The following ZNF532 variants were observed in gnomAD, a reference collection of about 807,000 sequenced individuals.
The protein encoded by ZNF532 is zinc finger protein 532.
ZNF532 carries 22 observed loss-of-function variants against 89.3 expected under a neutral mutation model. That is an observed-to-expected ratio of 0.25 (90% confidence interval 0.18 to 0.35). ZNF532 has a LOEUF of 0.35. ZNF532 is among the 10% of genes least tolerant of loss of function. The pLI is 1.00. For missense variants in ZNF532, 1,132 were observed against 1,643.4 expected (o/e 0.69, Z 5.38); for synonymous variants, 606 against 649.6 (o/e 0.93, Z 1.02).
At chr18:58,982,291 C>A (rs1028939841) in intron 9 of ZNF532, among the ~76,000 whole-genome samples, 4 of 151,752 alleles carry the variant, frequency 2.6e-5, no homozygotes, top group African/African-American at 7.3e-5. Flanking sequence ...GGGACAAGAG[C>A]AGGACTTTTT....
intron 7 of ZNF532, among the ~76,000 whole-genome samples, chr18:58,963,229 G>A (rs2065540256): frequency 1.3e-5 from 2 of 152,148 alleles, no homozygotes; most frequent in African/African-American, 2.4e-5. Flanking sequence ...ATTTTAGGAT[G>A]TCTTAATGTT....
In ZNF532 at chr18:58,985,387, A is replaced by G. The variant is rs2068290978; in HGVS notation, c.*921A>G. ...AGAAACACAGCTAAGAATATCAAGTATTTCTCTGGCTCTTGACAGAAAAAA... is the reference window on the plus strand; with the variant it reads ...AGAAACACAGCTAAGAATATCAAGTGTTTCTCTGGCTCTTGACAGAAAAAA... On this transcript the variant is annotated 3_prime_UTR_variant, in exon 10 of 10. Coordinates refer to ENST00000591808, the MANE Select transcript of ZNF532 (RefSeq NM_001375912.1). 6.6e-6 allele frequency: 1 copy of G among 152,640 alleles called. No individual in the cohort carries two copies. Among genetic ancestry groups the G allele is most frequent in the Non-Finnish European group, 1.5e-5 (1 of 68,042 alleles). The allele number at this position is 152,640 out of a possible 1,614,324, so 9.5% of individuals were successfully genotyped here.
At chr18:58,972,600 T>C (rs913226389) in intron 7 of ZNF532, among the ~76,000 whole-genome samples, 4 of 151,208 alleles carry the variant, frequency 2.6e-5, no homozygotes, top group Admixed American at 2.6e-4. Flanking sequence ...TTAATAAGCA[T>C]CACACCTGTC....
At chr18:58,934,194 G>A in intron 3 of ZNF532, 3 of 415,878 alleles carry the variant, frequency 7.2e-6, no homozygotes, top group African/African-American at 3.9e-5. Flanking sequence ...TGAAACAGGT[G>A]TTTTTAGCTC....
chr18:58,913,657 G>C (rs950817286), intron 2 of ZNF532, among the ~76,000 whole-genome samples: 1 of 152,012 alleles, frequency 6.6e-6, no homozygotes, highest in African/African-American at 2.4e-5. Context: ...GAATAAAAAA[G>C]ATACAATGAA....
chr18:58,981,578 C>T lies in ZNF532; in HGVS notation c.3372C>T (p.Ala1124=). The T allele has an allele frequency of 1.9e-6, 3 of 1,614,162 alleles. No homozygotes were observed. Among genetic ancestry groups the T allele is most frequent in the Non-Finnish European group, 2.5e-6 (3 of 1,180,006 alleles). Residue 1124 remains alanine, a synonymous_variant, in exon 9 of 10, where the codon GCC becomes GCT. Transcript: ENST00000591808. ...KDPDLKEMTD[A]TNEEETEIKE... ...CTGACCTGAAAGAAATGACAGATGC[C>T]ACCAATGAGGAGGAAACAGAAATAA... is the stretch of plus-strand genomic sequence containing the variant.
At chr18:58,894,758 C>T (rs533264035) in intron 2 of ZNF532, among the ~76,000 whole-genome samples, 1 of 152,270 alleles carries the variant, frequency 6.6e-6, no homozygotes, top group African/African-American at 2.4e-5. Flanking sequence ...ACAAACTACC[C>T]TGTCAATTTT....
chr18:58,952,957 ATG>A (rs2147031921), intron 6 of ZNF532, among the ~76,000 whole-genome samples: 1 of 152,314 alleles, frequency 6.6e-6, no homozygotes, highest in African/African-American at 2.4e-5. Flanking sequence ...TCGGGATAGG[ATG>A]TAAGGAGATG....
chr18:58,959,963 G>C (rs1038377794), intron 7 of ZNF532, among the ~76,000 whole-genome samples: 15 of 151,896 alleles, frequency 9.9e-5, no homozygotes, highest in African/African-American at 3.6e-4. Context: ...TTTTGAGATA[G>C]GGTCTCACTC....
At chr18:58,905,513 C>G (rs1485655860) in intron 2 of ZNF532, among the ~76,000 whole-genome samples, 2 of 151,896 alleles carry the variant, frequency 1.3e-5, no homozygotes, top group African/African-American at 2.4e-5. Context: ...TATCCTTCCA[C>G]TCCAGCATCT....
chr18:58,892,011 A>C (rs1568256735), intron 2 of ZNF532, among the ~76,000 whole-genome samples: 1 of 152,252 alleles, frequency 6.6e-6, no homozygotes, highest in Non-Finnish European at 1.5e-5. Context: ...TGTGAAATCA[A>C]GAATATATAG....
chr18:58,956,452 G>A (rs2064789332), intron 7 of ZNF532, among the ~76,000 whole-genome samples: 1 of 152,188 alleles, frequency 6.6e-6, no homozygotes, highest in Admixed American at 6.5e-5. Flanking sequence ...GAATGGTGTT[G>A]AGTGTGAGAG....
chr18:58,901,539 A>G (rs906272066), intron 2 of ZNF532, among the ~76,000 whole-genome samples: 3 of 152,204 alleles, frequency 2.0e-5, no homozygotes, highest in African/African-American at 4.8e-5. Context: ...ATATTTTACT[A>G]TGATGCATTT....
intron 5 of ZNF532, among the ~76,000 whole-genome samples, chr18:58,944,764 TG>T (rs1294683570): frequency 6.6e-6 from 1 of 152,166 alleles, no homozygotes; most frequent in Non-Finnish European, 1.5e-5. Context: ...AGCTGCAGTT[TG>T]TAATGGATTT....
chr18:58,960,714 T>G (rs963823772), intron 7 of ZNF532, among the ~76,000 whole-genome samples: 21 of 152,110 alleles, frequency 1.4e-4, no homozygotes, highest in Admixed American at 5.2e-4. Context: ...TTCTGTACAG[T>G]GTAGTGCAGG....
chr18:58,951,916 T>C (rs975134466), intron 6 of ZNF532, among the ~76,000 whole-genome samples: 1 of 152,132 alleles, frequency 6.6e-6, no homozygotes, highest in African/African-American at 2.4e-5. Flanking sequence ...CCCAAAGTGC[T>C]GGGATTACAG....
chr18:58,957,390 A>G (rs1328374509), intron 7 of ZNF532, among the ~76,000 whole-genome samples: 1 of 131,240 alleles, frequency 7.6e-6, no homozygotes, highest in Non-Finnish European at 1.6e-5. Context: ...TAGTATCATA[A>G]TTATGACTTA....
intron 7 of ZNF532, among the ~76,000 whole-genome samples, chr18:58,965,907 A>G (rs573139920): frequency 1.3e-5 from 2 of 152,250 alleles, no homozygotes; most frequent in East Asian, 3.9e-4. Context: ...AATCTGGAGA[A>G]ATGCACAAGA....
intron 2 of ZNF532, among the ~76,000 whole-genome samples, chr18:58,867,550 G>T (rs1318558515): frequency 6.6e-6 from 1 of 152,136 alleles, no homozygotes; most frequent in Non-Finnish European, 1.5e-5. Context: ...GAGTGTGCAG[G>T]ATGAGCTAGG....
Sources: gnomAD v4.1 joint callset for allele counts (sites outside exome capture counted in the v4.1 genomes callset) on GRCh38, gnomAD v4.1.1 for gene constraint, MANE v1.5 for transcripts, NCBI Gene and HGNC (gene_info 2026-07-23, HGNC 2026-07-21) for gene names.